Variants in CDS2 observed in about 807,000 individuals in gnomAD.
CDS2 encodes phosphatidate cytidylyltransferase 2.
Under a neutral mutation model 59.0 loss-of-function variants are expected in CDS2, and 47 were observed. That is an observed-to-expected ratio of 0.80 (90% CI 0.63 to 1.02). The LOEUF is 1.02. CDS2 is among the 50% of genes least tolerant of loss of function. The pLI is 0.00. For missense variants in CDS2, 356 were observed against 558.9 expected, an observed-to-expected ratio of 0.64 and a Z score of 3.66; for synonymous variants, 207 against 206.4, an observed-to-expected ratio of 1.00 and a Z score of -0.02.
intron 11 of CDS2, 81 bp downstream of exon 11, chr20:5,189,267 A>G: frequency 1.3e-6 from 2 of 1,528,650 alleles, no homozygotes. Context: ...GCCCCCTCCA[A>G]AATACTAGGC....
intron 4 of CDS2, 57 bp downstream of exon 4, chr20:5,176,802 G>C (rs2090998377): frequency 8.4e-7 from 1 of 1,190,778 alleles, no homozygotes; most frequent in African/African-American, 1.5e-5. Context: ...CTTTGTGGCA[G>C]GTACTTACAG....
In CDS2 at chr20:5,176,700, A is replaced by G; in HGVS notation, c.344A>G (p.Asn115Ser). 1 of 1,614,132 alleles carries G rather than the reference A, an allele frequency of 6.2e-7. No individual in the cohort carries two copies. The highest frequency in any genetic ancestry group is 8.5e-7 in the Non-Finnish European group (1 of 1,179,980). The change falls in exon 4 of 13, where the codon AAC (asparagine) becomes AGC (serine). Residue 115 changes from asparagine to serine, a missense_variant. Asn to Ser is a conservative substitution (Grantham distance 46). Around this residue, in one of 5 missense-constraint regions of CDS2, gnomAD observed 87 missense variants for 193.3 expected, o/e 0.45. Transcript: ENST00000460006. ...CFHEIITIGY[N>S]VYHSYDLPWF... ...CATGAGATAATCACTATTGGCTACA[A>G]CGTCTACCACTCATATGATCTGCCC... is the stretch of plus-strand genomic sequence containing the variant.
rs1399955568 is a variant in CDS2 at position 5,192,802 on chromosome 20, A to G, written c.*2568A>G. On this transcript the variant is annotated 3_prime_UTR_variant, in exon 13 of 13. Coordinates refer to ENST00000460006, the MANE Select transcript of CDS2 (RefSeq NM_003818.4). ...TTTGCTTTCCAACTTGTATCCCTAC[A>G]TTCTCACAACAGCCTTCTTACCTCG... The G allele has an allele frequency of 6.6e-6, 1 of 152,260 alleles. No individual in the cohort carries two copies. Among genetic ancestry groups the G allele is most frequent in the African/African-American group, 2.4e-5 (1 of 41,464 alleles). The allele number at this position is 152,260 out of a possible 1,614,324, so 9.4% of individuals were successfully genotyped here.
intron 1 of CDS2, among the ~76,000 whole-genome samples, chr20:5,155,838 G>C (rs2090829655): frequency 1.3e-5 from 2 of 152,102 alleles, no homozygotes; most frequent in African/African-American, 4.8e-5. Flanking sequence ...TTTTCTTAGT[G>C]GCTTCTAGGG....
intron 1 of CDS2, among the ~76,000 whole-genome samples, chr20:5,152,095 C>CA (rs931613129): frequency 6.9e-6 from 1 of 144,178 alleles, no homozygotes; most frequent in Non-Finnish European, 1.5e-5. Flanking sequence ...AAAAAAAAAA[C>CA]AAAAAAACAA....
intron 1 of CDS2, among the ~76,000 whole-genome samples, chr20:5,145,008 C>T (rs1261492956): frequency 1.3e-5 from 2 of 152,136 alleles, no homozygotes; most frequent in Non-Finnish European, 2.9e-5. Flanking sequence ...GTTATCTGTC[C>T]TCCCTTTCCC....
At chr20:5,133,106 C>T (rs958425601) in intron 1 of CDS2, among the ~76,000 whole-genome samples, 13 of 150,976 alleles carry the variant, frequency 8.6e-5, no homozygotes, top group African/African-American at 2.4e-4. Flanking sequence ...ACCCGGGAGG[C>T]GGAGCTTGCA....
chr20:5,190,269 T>C lies in CDS2; in HGVS notation c.*35T>C. 6.3e-7 allele frequency: 1 copy of C among 1,593,620 alleles called. No homozygotes were observed. The highest frequency in any genetic ancestry group is 8.6e-7 in the Non-Finnish European group (1 of 1,166,892). On this transcript the variant is annotated 3_prime_UTR_variant, in exon 13 of 13. Coordinates refer to ENST00000460006, the MANE Select transcript of CDS2 (RefSeq NM_003818.4). ...AGGGCCAGGAGAACAGGAACAGAAC[T>C]GAGCAGGGGCAGGTCTCCAAGGCAA...
chr20:5,147,569 C>T (rs2090753709), intron 1 of CDS2, among the ~76,000 whole-genome samples: 1 of 152,010 alleles, frequency 6.6e-6, no homozygotes, highest in Admixed American at 6.6e-5. Context: ...ATGTCCAGGC[C>T]CACTTCTTTC....
At chr20:5,155,518 T>C (rs2090826476) in intron 1 of CDS2, among the ~76,000 whole-genome samples, 1 of 152,198 alleles carries the variant, frequency 6.6e-6, no homozygotes, top group African/African-American at 2.4e-5. Flanking sequence ...GATGTAGCTG[T>C]CTCCCTTCTG....
At chr20:5,174,968 G>C (rs6053174) in intron 2 of CDS2, among the ~76,000 whole-genome samples, 55 of 152,248 alleles carry the variant, frequency 3.6e-4, no homozygotes, top group African/African-American at 1.3e-3. Context: ...ATATAAGCTA[G>C]GTTTATTTTT....
intron 5 of CDS2, among the ~76,000 whole-genome samples, chr20:5,181,863 G>A (rs992797604): frequency 6.6e-6 from 1 of 152,124 alleles, no homozygotes; most frequent in African/African-American, 2.4e-5. Context: ...GGTACTATAT[G>A]GTAATTAGTA....
At chr20:5,136,694 T>G (rs1300353273) in intron 1 of CDS2, among the ~76,000 whole-genome samples, 1 of 152,010 alleles carries the variant, frequency 6.6e-6, no homozygotes, top group Non-Finnish European at 1.5e-5. Flanking sequence ...ACTGCCCTAA[T>G]AATTATTGGG....
At position 5,157,136 on chromosome 20, in the gene CDS2, G is replaced by T. The variant is rs1266579850; in HGVS notation, c.58-16387G>T. ...GGGGAATGGTGGTACGCAAAGCAAGGATTGGTTGGATGCTACTGAGATGGC... is the reference window on the plus strand; with the variant it reads ...GGGGAATGGTGGTACGCAAAGCAAGTATTGGTTGGATGCTACTGAGATGGC... On this transcript the variant is annotated intron_variant, in intron 1 of 12. Transcript: ENST00000460006. Among the ~76,000 whole-genome samples, 5 of 152,332 alleles carry T rather than the reference G, an allele frequency of 3.3e-5. No individual in the cohort carries two copies. In the Middle Eastern group the frequency reaches 0.017, roughly 518 times the overall value.
Position 5,190,334 on chromosome 20 carries a change from T to C in CDS2, c.*100T>C. 6 of 938,138 alleles carry C rather than the reference T, an allele frequency of 6.4e-6. No individual in the cohort carries two copies. The highest frequency in any genetic ancestry group is 7.6e-6 in the Non-Finnish European group (5 of 657,758). 58.1% of individuals were successfully genotyped at this position (938,138 alleles called of 1,614,324 possible). A position where few individuals can be genotyped will look rare whatever the true frequency, so the allele number is the denominator to read the frequency against. ...ACTTAGACAATGACGAGGCTTCAAC[T>C]CACTGTCTTTTTTTTTTTTTTTTGG... On this transcript the variant is annotated 3_prime_UTR_variant, in exon 13 of 13. Transcript: ENST00000460006.
At chr20:5,144,653 CAT>C (rs543055178) in intron 1 of CDS2, among the ~76,000 whole-genome samples, 158 of 152,314 alleles carry the variant, frequency 1.0e-3, no homozygotes, top group African/African-American at 3.6e-3. Context: ...ACTTTTCCTA[CAT>C]GTTTCTTTGT....
At chr20:5,160,933 A>G (rs1393451981) in intron 1 of CDS2, among the ~76,000 whole-genome samples, 3 of 152,156 alleles carry the variant, frequency 2.0e-5, no homozygotes, top group Admixed American at 6.5e-5. Context: ...TGTATACTAC[A>G]TTTTGTTCAT....
chr20:5,138,245 C>T (rs1346469155), intron 1 of CDS2, among the ~76,000 whole-genome samples: 1 of 151,934 alleles, frequency 6.6e-6, no homozygotes, highest in Non-Finnish European at 1.5e-5. Context: ...CCACCATACC[C>T]AGCCTCGAGT....
At chr20:5,188,884 C>T (rs2091090825) in intron 10 of CDS2, among the ~76,000 whole-genome samples, 183 bp from the exon 11 acceptor site, 1 of 152,184 alleles carries the variant, frequency 6.6e-6, no homozygotes, top group East Asian at 1.9e-4. Flanking sequence ...ACAGAACTCA[C>T]TACTAGGAGA....
Sources: allele counts gnomAD v4.1 joint callset (sites outside exome capture counted in the v4.1 genomes callset), GRCh38; gene constraint gnomAD v4.1.1; regional missense constraint gnomAD v4.1.1; transcripts MANE v1.5; gene names NCBI Gene and HGNC (gene_info 2026-07-23, HGNC 2026-07-21).